CCDC175: variants seen among roughly 807,000 people sequenced by gnomAD.
The protein encoded by CCDC175 is coiled-coil domain containing 175.
A neutral mutation model predicts 114.6 loss-of-function variants in CCDC175; 100 were observed. The ratio of observed to expected loss-of-function variants is 0.87; its 90% CI spans 0.74 to 1.03. CCDC175 has a LOEUF of 1.03. CCDC175 is among the 50% of genes least tolerant of loss of function. The probability of loss-of-function intolerance (pLI) is 0.00; values close to 1 mark genes in which losing one functional copy is unlikely to be tolerated. For synonymous variants in CCDC175, 306 were observed against 308.7 expected, an observed-to-expected ratio of 0.99 and a Z score of 0.09; for missense variants, 880 against 917.8, an observed-to-expected ratio of 0.96 and a Z score of 0.53.
chr14:59,548,659 G>T (rs1895261209), intron 8 of CCDC175, among the ~76,000 whole-genome samples: 1 of 152,156 alleles, frequency 6.6e-6, no homozygotes, highest in African/African-American at 2.4e-5. Flanking sequence ...ATAATATTTT[G>T]CTCACAAAAT....
chr14:59,561,083 C>T (rs750595506), intron 7 of CCDC175, 36 bp downstream of exon 7: 55 of 1,072,154 alleles, frequency 5.1e-5, no homozygotes, highest in African/African-American at 2.0e-4. Flanking sequence ...TAACATATCT[C>T]GAAACATTTA....
chr14:59,569,498 A>G (rs531682122), intron 3 of CCDC175, among the ~76,000 whole-genome samples: 136 of 152,378 alleles, frequency 8.9e-4, no homozygotes, highest in Non-Finnish European at 1.8e-3. Context: ...TTTAGCATGT[A>G]TCAAGGACCT....
At chr14:59,515,222 G>A (rs1893003444) in intron 17 of CCDC175, among the ~76,000 whole-genome samples, 1 of 152,156 alleles carries the variant, frequency 6.6e-6, no homozygotes, top group Non-Finnish European at 1.5e-5. Context: ...ATGCCAAATT[G>A]TAAAGACCAT....
chr14:59,565,060 T>C lies in CCDC175; in HGVS notation c.707A>G (p.Glu236Gly), dbSNP rs773890559. ...CATGCCACTTACCTGTGCAGTCAAC[T>C]CTTGTTTTCTTATTAGATATTCTGC... is the stretch of plus-strand genomic sequence containing the variant. ...ERAEYLIRKQ[E>G]LTAQINEFEN... The change falls in exon 5 of 20, where the codon GAG becomes GGG. Residue 236 changes from glutamate (E) to glycine (G), a missense_variant. By Grantham distance (98) the Glu-to-Gly change is moderately conservative. Transcript: ENST00000537690. 46 of 1,532,774 alleles carry C rather than the reference T, an allele frequency of 3.0e-5. 1 individual carries two copies. In the South Asian group the frequency reaches 4.7e-4, roughly 16 times the overall value. 94.9% of individuals were successfully genotyped at this position (1,532,774 alleles called of 1,614,324 possible).
At chr14:59,562,778 G>A (rs1001439156) in intron 6 of CCDC175, among the ~76,000 whole-genome samples, 1 of 152,174 alleles carries the variant, frequency 6.6e-6, no homozygotes, top group Admixed American at 6.5e-5. Flanking sequence ...AAATATGAGC[G>A]TGGGCATGCA....
Position 59,576,663 on chromosome 14 carries a change from C to G in CCDC175, c.113G>C (p.Gly38Ala). 1 of 1,481,372 alleles carries G rather than the reference C, an allele frequency of 6.8e-7. No homozygotes were observed. The highest frequency in any genetic ancestry group is 8.9e-7 in the Non-Finnish European group (1 of 1,123,870). The allele number at this position is 1,481,372 out of a possible 1,614,324, so 91.8% of individuals were successfully genotyped here. ...LELCTLPSTL[G>A]SSVAVEALEQ... ...CAGCGCCTCGACCGCGACCGAGGAG[C>G]CCAGGGTGGAGGGTAAGGTGCATAA... Residue 38 changes from glycine (G) to alanine (A), a missense_variant, in exon 1 of 20, where the codon GGC (glycine) becomes GCC (alanine). Coordinates refer to ENST00000537690, the MANE Select transcript of CCDC175 (RefSeq NM_001164399.2).
At chr14:59,516,803 T>C (rs1893117440) in intron 17 of CCDC175, among the ~76,000 whole-genome samples, 1 of 152,118 alleles carries the variant, frequency 6.6e-6, no homozygotes, top group African/African-American at 2.4e-5. Flanking sequence ...GAGGGAATCC[T>C]CCCTAACTCA....
At position 59,540,677 on chromosome 14, in the gene CCDC175, TCTCTGACTTTCTC is replaced by T; in HGVS notation, c.1340_1352del (p.Arg447AsnfsTer4). ...TTTTTTTTTTTTTTTTTTTTTACCATCTCTGACTTTCTCTTTCCAGGTTAGCACTCAGGATTTT... is the reference window on the plus strand; with the variant it reads ...TTTTTTTTTTTTTTTTTTTTTACCATTTTCCAGGTTAGCACTCAGGATTTT... On this transcript the variant is annotated frameshift_variant, in exon 11 of 20. Coordinates refer to ENST00000537690, the MANE Select transcript of CCDC175 (RefSeq NM_001164399.2). LOFTEE classifies it high-confidence loss of function. The T allele has an allele frequency of 2.2e-6, 2 of 908,566 alleles. No individual in the cohort carries two copies. The highest frequency in any genetic ancestry group is 1.6e-6 in the Non-Finnish European group (1 of 611,208). 56.3% of individuals were successfully genotyped at this position (908,566 alleles called of 1,614,324 possible).
intron 4 of CCDC175, 101 bp from the exon 5 acceptor site, chr14:59,565,376 A>G: frequency 2.2e-6 from 2 of 928,720 alleles, no homozygotes; most frequent in African/African-American, 1.7e-5. Flanking sequence ...AAGTGTAAGG[A>G]ATACTTATTT....
intron 7 of CCDC175, among the ~76,000 whole-genome samples, chr14:59,557,824 G>A (rs74619876): frequency 0.11 from 16,444 of 151,690 alleles, 972 homozygotes; most frequent in African/African-American, 0.15. Context: ...GAACACATAC[G>A]CTGCCAGATA....
chr14:59,545,741 T>A (rs953337215), intron 8 of CCDC175, among the ~76,000 whole-genome samples: 2 of 152,202 alleles, frequency 1.3e-5, no homozygotes, highest in African/African-American at 2.4e-5. Flanking sequence ...GTGTTCTACA[T>A]GAGATCAGAA....
rs182178168 is a variant in CCDC175, at chr14:59,515,341, T to A, written c.2099-3538A>T. Among the ~76,000 whole-genome samples the A allele has an allele frequency of 5.3e-4, 80 of 152,320 alleles. No individual in the cohort carries two copies. In the East Asian group the frequency reaches 0.012, roughly 23 times the overall value. ...ATATTAGCCTTAAATGTAAATGGGC[T>A]AAATGCTCCAATTAAAAGACACAGA... On this transcript the variant is annotated intron_variant, in intron 17 of 19. Transcript: ENST00000537690.
At chr14:59,530,923 T>C (rs1378515499) in intron 14 of CCDC175, among the ~76,000 whole-genome samples, 2 of 152,166 alleles carry the variant, frequency 1.3e-5, no homozygotes, top group Non-Finnish European at 2.9e-5. Context: ...CTGGAAGTTG[T>C]TCCTGCTTAA....
intron 16 of CCDC175, among the ~76,000 whole-genome samples, chr14:59,524,002 GA>G (rs34354745): frequency 2.6e-4 from 38 of 147,544 alleles, no homozygotes; most frequent in Middle Eastern, 3.5e-3. Flanking sequence ...AAAGAAAAAA[GA>G]AAAAAAAAAA....
In CCDC175 at chr14:59,514,766, C is replaced by T. The variant is rs181419028; in HGVS notation, c.2099-2963G>A. 8.5e-3 allele frequency among the ~76,000 whole-genome samples: 1,290 copies of T among 152,286 alleles called. 12 individuals are homozygous for T. The highest frequency in any genetic ancestry group is 0.034 in the Middle Eastern group (10 of 294). On this transcript the variant is annotated intron_variant, in intron 17 of 19. Transcript: ENST00000537690. Reference sequence around the variant, plus strand: ...TGCAGGATATCATACAGGAGAACTTCCCCAATCTAGCAAGGCAGGCCAACA... The same window carrying T: ...TGCAGGATATCATACAGGAGAACTTTCCCAATCTAGCAAGGCAGGCCAACA...
intron 4 of CCDC175, among the ~76,000 whole-genome samples, chr14:59,567,137 AG>A (rs1182674539): frequency 2.0e-5 from 3 of 152,206 alleles, no homozygotes; most frequent in African/African-American, 7.2e-5. Context: ...ATAAATATCT[AG>A]CCTGGGTATT....
At chr14:59,542,458 C>T (rs933903331) in intron 10 of CCDC175, among the ~76,000 whole-genome samples, 7 of 150,268 alleles carry the variant, frequency 4.7e-5, no homozygotes, top group African/African-American at 1.7e-4. Context: ...AGCACTTCAA[C>T]TTTTAGGACT....
At chr14:59,512,273 A>G (rs1302186622) in intron 17 of CCDC175, among the ~76,000 whole-genome samples, 3 of 152,234 alleles carry the variant, frequency 2.0e-5, no homozygotes, top group Non-Finnish European at 2.9e-5. Flanking sequence ...GCAACTTACC[A>G]CACGAACAGC....
chr14:59,513,328 TG>T lies in CCDC175; in HGVS notation c.2099-1526del, dbSNP rs567743263. Among the ~76,000 whole-genome samples the T allele has an allele frequency of 7.3e-3, 1,114 of 152,220 alleles. 14 individuals carry two copies. The highest frequency in any genetic ancestry group is 0.025 in the African/African-American group (1,052 of 41,514). Reference sequence around the variant, plus strand: ...GTGTCAGAAAGTGGGTGCAGGACAGTGGGTGCAGTGCACCGAGTGTGAGCCA... The same window carrying T: ...GTGTCAGAAAGTGGGTGCAGGACAGTGGTGCAGTGCACCGAGTGTGAGCCA... On this transcript the variant is annotated intron_variant, in intron 17 of 19. Transcript: ENST00000537690.
Sources: gnomAD v4.1 joint callset for allele counts (sites outside exome capture counted in the v4.1 genomes callset) on GRCh38, gnomAD v4.1.1 for gene constraint, MANE v1.5 for transcripts, NCBI Gene and HGNC (gene_info 2026-07-23, HGNC 2026-07-21) for gene names.